The following NKPD1 variants were observed in gnomAD, a reference collection of about 807,000 sequenced individuals.
NKPD1 encodes NTPase KAP family P-loop domain-containing protein 1.
A neutral mutation model predicts 42.2 loss-of-function variants in NKPD1; 37 were observed. The ratio of observed to expected loss-of-function variants is 0.88; its 90% CI spans 0.67 to 1.15. The LOEUF (loss-of-function observed/expected upper bound fraction) is 1.15, where lower values mean the gene tolerates loss of function less well. Ranked by LOEUF, NKPD1 falls within the 50% of genes most tolerant of loss-of-function variation. The pLI, the probability that NKPD1 is intolerant of heterozygous loss-of-function variation, is 0.00. For missense variants in NKPD1, 1,113 were observed against 1,174.6 expected (o/e 0.95, Z 0.77); for synonymous variants, 552 against 536.5 (o/e 1.03, Z -0.40).
In NKPD1 at chr19:45,153,164, C is replaced by T. The variant is rs1968827626; in HGVS notation, c.1273G>A (p.Gly425Ser). 1 of 1,580,546 alleles carries T rather than the reference C, an allele frequency of 6.3e-7. No homozygotes were observed. Among genetic ancestry groups the T allele is most frequent in the Admixed American group, 1.8e-5 (1 of 55,050 alleles). ...VSREKFGSQL[G>S]FMCEVKKEVE... ...TCCTTCTTCACCTCGCACATGAAAC[C>T]CAGCTGGCTGCCGAACTTTTCACGC... Residue 425 changes from glycine to serine, a missense_variant, in exon 5 of 5, where the codon GGT (glycine) becomes AGT (serine). Coordinates refer to ENST00000686631, the MANE Select transcript of NKPD1 (RefSeq NM_198478.4).
chr19:45,160,825 G>T (rs1323911959), intron 1 of NKPD1, among the ~76,000 whole-genome samples, 100 bp downstream of exon 1: 1 of 152,118 alleles, frequency 6.6e-6, no homozygotes, highest in African/African-American at 2.4e-5. Flanking sequence ...CTGTGTGGGG[G>T]ACAGGGATAG....
rs764604624 is a variant in NKPD1, at chr19:45,153,617, C to A, written c.820G>T (p.Val274Leu). 1 of 1,577,532 alleles carries A rather than the reference C, an allele frequency of 6.3e-7. No individual in the cohort carries two copies. Among genetic ancestry groups the A allele is most frequent in the Non-Finnish European group, 8.6e-7 (1 of 1,159,752 alleles). Reference sequence around the variant, plus strand: ...CTAAAGCGGATGAAAAGGAACTGCACGTTCCTGCGCCGCAGGTGCACCTCG... The same window carrying A: ...CTAAAGCGGATGAAAAGGAACTGCAAGTTCCTGCGCCGCAGGTGCACCTCG... ...ITEVHLRRRNVQFLFIRFSAW... is the reference protein window; with the variant it reads ...ITEVHLRRRNLQFLFIRFSAW... The change falls in exon 5 of 5, where the codon GTG (valine) becomes TTG (leucine). Residue 274 changes from valine (V) to leucine (L), a missense_variant. Val to Leu is a conservative substitution (Grantham distance 32). Coordinates refer to ENST00000686631, the MANE Select transcript of NKPD1 (RefSeq NM_198478.4).
At position 45,152,907 on chromosome 19, in the gene NKPD1, G is replaced by A. The variant is rs1375582996; in HGVS notation, c.1530C>T (p.Gly510=). 1.3e-6 allele frequency: 2 copies of A among 1,581,854 alleles called. No individual in the cohort carries two copies. The highest frequency in any genetic ancestry group is 2.3e-5 in the South Asian group (2 of 87,874). Residue 510 remains glycine (G), a synonymous_variant, in exon 5 of 5, where the codon GGC becomes GGT. Coordinates refer to ENST00000686631, the MANE Select transcript of NKPD1 (RefSeq NM_198478.4). ...GGAAGAGGTAGCCGTTATCGGCCGT[G>A]CCCTTCATGTTGCCCGCGCTCTCTA... ...ACLESAGNMK[G]TADNGYLFLN...
upstream of NKPD1, among the ~76,000 whole-genome samples, chr19:45,161,860 T>G (rs991954552): frequency 1.8e-4 from 27 of 152,070 alleles, no homozygotes; most frequent in Non-Finnish European, 2.6e-4. Flanking sequence ...CCGATGGGGA[T>G]GGGGGAGGCA....
Position 45,158,935 on chromosome 19 carries a change from G to GGCTGCCGCTGCT in NKPD1, c.245_256dup (p.Gln82_Gln85dup). 7.7e-7 allele frequency: 1 copy of GGCTGCCGCTGCT among 1,299,792 alleles called. No individual in the cohort carries two copies. The highest frequency in any genetic ancestry group is 1.0e-6 in the Non-Finnish European group (1 of 987,440). The allele number at this position is 1,299,792 out of a possible 1,614,324, so 80.5% of individuals were successfully genotyped here. ...GCTGGGAGGTGAGGGCTGGGACTGG[G>GGCTGCCGCTGCT]GCTGCCGCTGCTGCTGCAGGACGGA... On this transcript the variant is annotated inframe_insertion, in exon 3 of 5. Transcript: ENST00000686631. This position sits in a 1 kb window ranked among gnomAD's most constrained non-coding sequence, Gnocchi z 4.6.
rs1176667409 is a variant in NKPD1 at position 45,152,895 on chromosome 19, G to A, written c.1542C>T (p.Asn514=). The part of the protein sequence containing the change: ...SAGNMKGTAD[N]GYLFLNRTVT... The stretch of plus-strand genomic sequence containing the variant: ...CAGTGCGGTTGAGGAAGAGGTAGCC[G>A]TTATCGGCCGTGCCCTTCATGTTGC... Residue 514 remains asparagine (N), a synonymous_variant, in exon 5 of 5, where the codon AAC becomes AAT. Transcript: ENST00000686631. The A allele has an allele frequency of 1.9e-6, 3 of 1,582,318 alleles. No homozygotes were observed. Among genetic ancestry groups the A allele is most frequent in the Non-Finnish European group, 2.6e-6 (3 of 1,161,522 alleles).
chr19:45,152,495 G>T lies in NKPD1; in HGVS notation c.1942C>A (p.Pro648Thr). The T allele has an allele frequency of 6.4e-7, 1 of 1,559,038 alleles. No homozygotes were observed. The change falls in exon 5 of 5, where the codon CCC (proline) becomes ACC (threonine). Residue 648 changes from proline to threonine, a missense_variant. Around this residue, in one of 3 missense-constraint regions of NKPD1, gnomAD observed 867 missense variants for 870.1 expected, o/e 1.00. Transcript: ENST00000686631. ...CACGCCACCGCCTGGCGCGGCGTGGGGCCCCCAAAGTCCCCCTGCTGCTGC... is the reference window on the plus strand; with the variant it reads ...CACGCCACCGCCTGGCGCGGCGTGGTGCCCCCAAAGTCCCCCTGCTGCTGC... ...QQQQQGDFGG[P>T]TPRQAVAWVV... is the part of the protein sequence containing the mutation.
chr19:45,159,606 CGCCCTA>C (rs2122800359), intron 2 of NKPD1, among the ~76,000 whole-genome samples: 1 of 152,214 alleles, frequency 6.6e-6, no homozygotes, highest in East Asian at 1.9e-4. Context: ...CTCCAGCCCT[CGCCCTA>C]GCCCTGAGGA....
chr19:45,152,297 G>C lies in NKPD1; in HGVS notation c.2140C>G (p.Leu714Val). ...MTKALQNVLDLDGDPELFERF... is the reference protein window; with the variant it reads ...MTKALQNVLDVDGDPELFERF... Reference sequence around the variant, plus strand: ...TCGAAGAGCTCGGGGTCGCCGTCCAGGTCGAGCACGTTCTGCAACGCCTTG... The same window carrying C: ...TCGAAGAGCTCGGGGTCGCCGTCCACGTCGAGCACGTTCTGCAACGCCTTG... Residue 714 changes from leucine (L) to valine (V), a missense_variant, in exon 5 of 5, where the codon CTG becomes GTG. This residue lies in a region of NKPD1 where 867 missense variants were observed against 870.1 expected (regional missense o/e 1.00). Transcript: ENST00000686631. 1 of 1,610,900 alleles carries C rather than the reference G, an allele frequency of 6.2e-7. No individual in the cohort carries two copies. The highest frequency in any genetic ancestry group is 1.3e-5 in the African/African-American group (1 of 74,976).
chr19:45,152,243 T>A lies in NKPD1; in HGVS notation c.2194A>T (p.Thr732Ser), dbSNP rs1003283460. The A allele has an allele frequency of 1.9e-6, 3 of 1,607,172 alleles. No individual in the cohort carries two copies. The highest frequency in any genetic ancestry group is 1.7e-6 in the Non-Finnish European group (2 of 1,177,728). Residue 732 changes from threonine (T) to serine (S), a missense_variant, in exon 5 of 5, where the codon ACC (threonine) becomes TCC (serine). This residue lies in a region of NKPD1 where 867 missense variants were observed against 870.1 expected (regional missense o/e 1.00). Transcript: ENST00000686631. Reference sequence around the variant, plus strand: ...AGCAGGCTCTGCGCCTCGGCCACGGTGAAGGGGAAGTCGGCGCCCAGGAAG... The same window carrying A: ...AGCAGGCTCTGCGCCTCGGCCACGGAGAAGGGGAAGTCGGCGCCCAGGAAG... Reference protein sequence around the residue: ...ERFLGADFPFTVAEAQSLLRC... With the variant: ...ERFLGADFPFSVAEAQSLLRC...
intron 3 of NKPD1, among the ~76,000 whole-genome samples, chr19:45,156,648 C>T (rs1298855036): frequency 6.6e-6 from 1 of 152,168 alleles, no homozygotes; most frequent in Non-Finnish European, 1.5e-5. Flanking sequence ...GCCCTGGGGA[C>T]CAGGCACTGG....
At chr19:45,156,104 CCT>C in intron 3 of NKPD1, among the ~76,000 whole-genome samples, 188 bp from the exon 4 acceptor site, 1 of 152,160 alleles carries the variant, frequency 6.6e-6, no homozygotes, top group East Asian at 1.9e-4. Context: ...GAGCTGTGCC[CCT>C]TTGGGTCCCA....
At chr19:45,153,849 C>A in intron 4 of NKPD1, 74 bp from the exon 5 acceptor site, 1 of 1,372,616 alleles carries the variant, frequency 7.3e-7, no homozygotes, top group Non-Finnish European at 9.4e-7. Flanking sequence ...ACGGGCAGGG[C>A]GGAGCGCTCC....
In NKPD1 at chr19:45,150,525, C is replaced by G. The variant is rs1968758800; in HGVS notation, c.*1413G>C. On this transcript the variant is annotated 3_prime_UTR_variant, in exon 5 of 5. Coordinates refer to ENST00000686631, the MANE Select transcript of NKPD1 (RefSeq NM_198478.4). ...CCAACCACACATCTACAGAAACAGA[C>G]TTAACGGTGTCACGAGGCCCCATCC... is the stretch of plus-strand genomic sequence containing the variant. The G allele has an allele frequency of 6.6e-6, 1 of 152,222 alleles. No individual in the cohort carries two copies. The highest frequency in any genetic ancestry group is 1.5e-5 in the Non-Finnish European group (1 of 68,072). The allele number at this position is 152,222 out of a possible 1,614,324, so 9.4% of individuals were successfully genotyped here.
chr19:45,157,276 C>T (rs966770150), intron 3 of NKPD1, among the ~76,000 whole-genome samples: 4 of 152,230 alleles, frequency 2.6e-5, no homozygotes, highest in Admixed American at 1.3e-4. Flanking sequence ...CTTGCTGGCC[C>T]GGGAACATGC....
At chr19:45,154,158 A>C (rs991270896) in intron 4 of NKPD1, among the ~76,000 whole-genome samples, 5 of 152,164 alleles carry the variant, frequency 3.3e-5, no homozygotes, top group Non-Finnish European at 7.4e-5. Flanking sequence ...GCAGGGGACA[A>C]GTGGTCGGTG....
At chr19:45,159,553 C>T (rs1218134475) in intron 2 of NKPD1, among the ~76,000 whole-genome samples, 2 of 152,064 alleles carry the variant, frequency 1.3e-5, no homozygotes, top group Admixed American at 6.5e-5. Flanking sequence ...GACCTTGTCC[C>T]CAGCTCGGGC....
rs963339330 is a variant in NKPD1 at position 45,152,789 on chromosome 19, C to G, written c.1648G>C (p.Asp550His). 5.0e-6 allele frequency: 8 copies of G among 1,602,200 alleles called. No individual in the cohort carries two copies. Among genetic ancestry groups the G allele is most frequent in the Non-Finnish European group, 6.8e-6 (8 of 1,175,210 alleles). ...FLHDAVQSRD[D>H]LLYREMTRKP... ...CGCGTCATCTCGCGGTACAACAGGT[C>G]GTCGCGGCTCTGCACCGCATCGTGC... The change falls in exon 5 of 5, where the codon GAC becomes CAC. Residue 550 changes from aspartate to histidine, a missense_variant. Transcript: ENST00000686631.
intron 4 of NKPD1, 115 bp from the exon 5 acceptor site, chr19:45,153,890 A>AG: frequency 9.2e-7 from 1 of 1,091,594 alleles, no homozygotes; most frequent in Non-Finnish European, 1.2e-6. Context: ...AGCAGAGGCG[A>AG]GGGGCTGGAA....
Sources: gnomAD v4.1 joint callset for allele counts (sites outside exome capture counted in the v4.1 genomes callset) on GRCh38, gnomAD v4.1.1 for gene constraint, gnomAD v4.1.1 regional missense constraint, Gnocchi (gnomAD v3.1) non-coding constraint, MANE v1.5 for transcripts, NCBI Gene and HGNC (gene_info 2026-07-23, HGNC 2026-07-21) for gene names.